RCAN2: variants seen among roughly 807,000 people sequenced by gnomAD.
RCAN2 encodes regulator of calcineurin 2.
RCAN2 carries 9 observed loss-of-function variants against 23.6 expected under a neutral mutation model. That is an observed-to-expected ratio of 0.38 (90% CI 0.23 to 0.67). RCAN2 has a LOEUF of 0.67. Among genes scored for constraint, RCAN2 ranks in the 30% least tolerant of loss-of-function variants. The pLI is 0.51. For synonymous variants in RCAN2, 109 were observed against 115.7 expected (o/e 0.94, Z 0.37); for missense variants, 273 against 302.3 (o/e 0.90, Z 0.72).
At chr6:46,268,327 C>A (rs1374389963) in intron 2 of RCAN2, among the ~76,000 whole-genome samples, 1 of 152,186 alleles carries the variant, frequency 6.6e-6, no homozygotes, top group Non-Finnish European at 1.5e-5. Context: ...GTTCCTAATT[C>A]TATCATTTGT....
At chr6:46,265,821 T>A (rs1767309073) in intron 2 of RCAN2, among the ~76,000 whole-genome samples, 1 of 152,180 alleles carries the variant, frequency 6.6e-6, no homozygotes. Context: ...TAAACGAGTT[T>A]ACAAAATGAT....
chr6:46,471,966 T>C (rs1768569145), intron 1 of RCAN2, among the ~76,000 whole-genome samples: 1 of 152,098 alleles, frequency 6.6e-6, no homozygotes, highest in South Asian at 2.1e-4. Flanking sequence ...AGAGCACCTA[T>C]CCCAGGACTC....
intron 4 of RCAN2, among the ~76,000 whole-genome samples, chr6:46,238,291 G>C (rs1766178983): frequency 6.6e-6 from 1 of 152,122 alleles, no homozygotes; most frequent in African/African-American, 2.4e-5. Context: ...CTTACTAGGC[G>C]TTCTCTGCCT....
At chr6:46,473,390 A>G (rs1020579455) in intron 1 of RCAN2, among the ~76,000 whole-genome samples, 3 of 152,146 alleles carry the variant, frequency 2.0e-5, no homozygotes, top group African/African-American at 4.8e-5. Flanking sequence ...AGCATATAAT[A>G]GGCATTCAGT....
At chr6:46,240,623 C>G (rs544645335) in intron 4 of RCAN2, among the ~76,000 whole-genome samples, 5 of 152,184 alleles carry the variant, frequency 3.3e-5, no homozygotes, top group African/African-American at 1.2e-4. Context: ...TCAGAGAATA[C>G]AGCAATTGCT....
At chr6:46,478,276 A>G (rs1443527494) in intron 1 of RCAN2, among the ~76,000 whole-genome samples, 2 of 152,178 alleles carry the variant, frequency 1.3e-5, no homozygotes, top group Non-Finnish European at 2.9e-5. Context: ...CACTCCATGC[A>G]CCCAGTGATA....
chr6:46,258,919 C>T (rs1395120413), intron 2 of RCAN2, among the ~76,000 whole-genome samples: 1 of 152,146 alleles, frequency 6.6e-6, no homozygotes, highest in Admixed American at 6.5e-5. Flanking sequence ...CTGGAATAAC[C>T]TTTGAATGAG....
intron 1 of RCAN2, among the ~76,000 whole-genome samples, chr6:46,465,131 T>C (rs1768335808): frequency 6.6e-6 from 1 of 152,034 alleles, no homozygotes; most frequent in Non-Finnish European, 1.5e-5. Context: ...CCTAATATCA[T>C]CATCAAGAAA....
intron 1 of RCAN2, among the ~76,000 whole-genome samples, chr6:46,479,661 C>T (rs1313735704): frequency 6.8e-6 from 1 of 147,556 alleles, no homozygotes; most frequent in Non-Finnish European, 1.5e-5. Context: ...GAGCTCACTG[C>T]AGCCTCTGCC....
chr6:46,367,396 T>C (rs1021374903), intron 2 of RCAN2, among the ~76,000 whole-genome samples: 2 of 152,160 alleles, frequency 1.3e-5, no homozygotes, highest in African/African-American at 2.4e-5. Flanking sequence ...ATATCCTAAA[T>C]ATCCAGTGAC....
Position 46,324,896 on chromosome 6 carries a change from G to A in RCAN2, c.226-76000C>T, listed in dbSNP as rs953837747. 3.3e-5 allele frequency among the ~76,000 whole-genome samples: 5 copies of A among 152,232 alleles called. No homozygotes were observed. In the East Asian group the frequency reaches 9.6e-4, roughly 29 times the overall value. On this transcript the variant is annotated intron_variant, in intron 2 of 4. Transcript: ENST00000371374. ...TCCAACTTTGATTTCCAGAAAGCTG[G>A]GGACTGAAACTGCCATCTGTAGAAC...
At chr6:46,465,628 G>C (rs1016183228) in intron 1 of RCAN2, among the ~76,000 whole-genome samples, 3 of 152,172 alleles carry the variant, frequency 2.0e-5, no homozygotes, top group Non-Finnish European at 2.9e-5. Context: ...GCTACAAAGA[G>C]AGTGCCAGAG....
chr6:46,468,350 A>C (rs1768452332), intron 1 of RCAN2, among the ~76,000 whole-genome samples: 1 of 152,182 alleles, frequency 6.6e-6, no homozygotes, highest in Non-Finnish European at 1.5e-5. Context: ...TTCCTAGTAC[A>C]AATTCCCTGC....
At chr6:46,273,103 G>T (rs1767570700) in intron 2 of RCAN2, among the ~76,000 whole-genome samples, 1 of 152,306 alleles carries the variant, frequency 6.6e-6, no homozygotes, top group South Asian at 2.1e-4. Flanking sequence ...GGTACCCAAA[G>T]CTGTGGTATT....
At chr6:46,253,559 C>T (rs181322529) in intron 2 of RCAN2, among the ~76,000 whole-genome samples, 38 of 152,288 alleles carry the variant, frequency 2.5e-4, no homozygotes, top group Admixed American at 1.0e-3. Flanking sequence ...CAGAATATTA[C>T]AAAGGTATGT....
intron 4 of RCAN2, among the ~76,000 whole-genome samples, chr6:46,233,329 G>A (rs1765962874): frequency 6.6e-6 from 1 of 152,220 alleles, no homozygotes. Flanking sequence ...AATGTTTGCT[G>A]AGTCATCAAA....
chr6:46,428,282 C>G (rs1767089435), intron 2 of RCAN2, among the ~76,000 whole-genome samples: 1 of 152,164 alleles, frequency 6.6e-6, no homozygotes, highest in Admixed American at 6.5e-5. Context: ...TTTTTACTCC[C>G]TGATCAAAGA....
intron 2 of RCAN2, among the ~76,000 whole-genome samples, chr6:46,393,393 T>G (rs925941964): frequency 6.6e-6 from 1 of 152,200 alleles, no homozygotes; most frequent in Non-Finnish European, 1.5e-5. Flanking sequence ...ATAATACAAT[T>G]GAAGCACTTG....
chr6:46,305,767 C>T (rs1763044481), intron 2 of RCAN2, among the ~76,000 whole-genome samples: 1 of 151,914 alleles, frequency 6.6e-6, no homozygotes, highest in South Asian at 2.1e-4. Flanking sequence ...GGACCAAGAC[C>T]ATCATGTTGG....
Sources: gnomAD v4.1 joint callset for allele counts (sites outside exome capture counted in the v4.1 genomes callset) on GRCh38, gnomAD v4.1.1 for gene constraint, MANE v1.5 for transcripts, NCBI Gene and HGNC (gene_info 2026-07-23, HGNC 2026-07-21) for gene names.